The following AP5M1 variants were observed in gnomAD, a reference collection of about 807,000 sequenced individuals.
AP5M1 encodes AP-5 complex subunit mu-1.
AP5M1 carries 44 observed loss-of-function variants against 52.3 expected under a neutral mutation model. The ratio of observed to expected loss-of-function variants is 0.84; its 90% CI spans 0.66 to 1.08. The LOEUF (loss-of-function observed/expected upper bound fraction) is 1.08, where lower values mean the gene tolerates loss of function less well. AP5M1 is among the 50% of genes least tolerant of loss of function. AP5M1 has a pLI of 0.00. For missense variants in AP5M1, 526 were observed against 568.4 expected, an observed-to-expected ratio of 0.93 and a Z score of 0.76; for synonymous variants, 213 against 199.0, an observed-to-expected ratio of 1.07 and a Z score of -0.59.
At chr14:57,275,949 C>T (rs1773839064) in intron 2 of AP5M1, among the ~76,000 whole-genome samples, 1 of 152,010 alleles carries the variant, frequency 6.6e-6, no homozygotes, top group Non-Finnish European at 1.5e-5. Context: ...CCTGCAGTTA[C>T]GTATACTTTT....
rs1422985594 is a variant in AP5M1 at position 57,296,571 on chromosome 14, G to A, written c.*7687G>A. On this transcript the variant is annotated 3_prime_UTR_variant, in exon 8 of 8. Coordinates refer to ENST00000261558, the MANE Select transcript of AP5M1 (RefSeq NM_018229.4). ...GCTAAGGCAATAATCAGTAGAAGTGGTTAGTAATATTTGTAGCTTGTTAAC... is the reference window on the plus strand; with the variant it reads ...GCTAAGGCAATAATCAGTAGAAGTGATTAGTAATATTTGTAGCTTGTTAAC... 12 of 152,076 alleles carry A rather than the reference G, an allele frequency of 7.9e-5. No individual in the cohort carries two copies. The highest frequency in any genetic ancestry group is 1.5e-5 in the Non-Finnish European group (1 of 67,974). 9.4% of individuals were successfully genotyped at this position (152,076 alleles called of 1,614,324 possible).
rs1199954651 is a variant in AP5M1, at chr14:57,291,903, C to A, written c.*3019C>A. On this transcript the variant is annotated 3_prime_UTR_variant, in exon 8 of 8. Coordinates refer to ENST00000261558, the MANE Select transcript of AP5M1 (RefSeq NM_018229.4). ...AGGCCTTCTGTAGGGACTGCTGCCA[C>A]AACAGAGTGGTTGTTCCTAAGACAA... is the stretch of plus-strand genomic sequence containing the variant. 3 of 151,716 alleles carry A rather than the reference C, an allele frequency of 2.0e-5. No homozygotes were observed. Among genetic ancestry groups the A allele is most frequent in the African/African-American group, 4.8e-5 (2 of 41,356 alleles). 9.4% of individuals were successfully genotyped at this position (151,716 alleles called of 1,614,324 possible).
rs1555332720 is a variant in AP5M1, at chr14:57,293,247, A to G, written c.*4363A>G. 6.6e-6 allele frequency: 1 copy of G among 151,752 alleles called. No individual in the cohort carries two copies. The highest frequency in any genetic ancestry group is 1.5e-5 in the Non-Finnish European group (1 of 67,802). The allele number at this position is 151,752 out of a possible 1,614,324, so 9.4% of individuals were successfully genotyped here. On this transcript the variant is annotated 3_prime_UTR_variant, in exon 8 of 8. Coordinates refer to ENST00000261558, the MANE Select transcript of AP5M1 (RefSeq NM_018229.4). Reference sequence around the variant, plus strand: ...TATATTTTAAGACCTTTAAAAAAAAAGTATAGTGATTTGTTACAAAATATG... The same window carrying G: ...TATATTTTAAGACCTTTAAAAAAAAGGTATAGTGATTTGTTACAAAATATG...
chr14:57,272,333 G>A (rs1490451231), intron 1 of AP5M1, among the ~76,000 whole-genome samples: 1 of 152,100 alleles, frequency 6.6e-6, no homozygotes, highest in Non-Finnish European at 1.5e-5. Context: ...TCAATAAGTG[G>A]CCAATATTTA....
At chr14:57,273,570 A>T (rs1485641113) in intron 1 of AP5M1, 6 of 531,042 alleles carry the variant, frequency 1.1e-5, no homozygotes, top group Non-Finnish European at 1.7e-5. Flanking sequence ...CAAAGAAAAG[A>T]TAAATTAGTA....
chr14:57,284,331 A>C (rs973738362), intron 6 of AP5M1, among the ~76,000 whole-genome samples: 3 of 152,216 alleles, frequency 2.0e-5, no homozygotes, highest in Non-Finnish European at 4.4e-5. Flanking sequence ...ATTTAGATTA[A>C]GATTATAGAG....
intron 1 of AP5M1, among the ~76,000 whole-genome samples, chr14:57,270,564 T>A (rs1330347021): frequency 6.6e-6 from 1 of 152,222 alleles, no homozygotes; most frequent in Non-Finnish European, 1.5e-5. Flanking sequence ...GAGTTTACCA[T>A]TTCCCCCCAG....
At chr14:57,281,702 C>T (rs1328257390) in intron 3 of AP5M1, among the ~76,000 whole-genome samples, 1 of 152,198 alleles carries the variant, frequency 6.6e-6, no homozygotes, top group Non-Finnish European at 1.5e-5. Flanking sequence ...TCATTGATGA[C>T]CAACCAAGTA....
At position 57,269,425 on chromosome 14, in the gene AP5M1, A is replaced by G. The variant is rs1297346111; in HGVS notation, c.74+37A>G. On this transcript the variant is annotated intron_variant, in intron 1 of 7. Coordinates refer to ENST00000261558, the MANE Select transcript of AP5M1 (RefSeq NM_018229.4). The stretch of plus-strand genomic sequence containing the variant: ...TCTGAATCCTCAGGGATGATGGATC[A>G]GAAGATCGATGAAGTAGCATAGTTT... The G allele has an allele frequency of 1.9e-6, 3 of 1,604,840 alleles. No homozygotes were observed. In the East Asian group the frequency reaches 6.7e-5, roughly 36 times the overall value.
intron 4 of AP5M1, 83 bp from the exon 5 acceptor site, chr14:57,282,850 AG>A: frequency 1.2e-6 from 1 of 817,170 alleles, no homozygotes; most frequent in Non-Finnish European, 2.0e-6. Flanking sequence ...CCTTGTATTA[AG>A]TAACAGTGGC....
intron 4 of AP5M1, 89 bp downstream of exon 4, chr14:57,282,317 AT>A (rs1032569451): frequency 3.9e-6 from 4 of 1,032,718 alleles, no homozygotes; most frequent in African/African-American, 3.3e-5. Context: ...CTTTTACCTT[AT>A]TTTTAAGGTC....
intron 1 of AP5M1, among the ~76,000 whole-genome samples, chr14:57,270,163 A>G (rs558696469): frequency 6.0e-4 from 91 of 152,336 alleles, no homozygotes; most frequent in African/African-American, 2.1e-3. Flanking sequence ...ATCAGTTTAC[A>G]GTTCCTAATT....
chr14:57,291,354 T>A lies in AP5M1; in HGVS notation c.*2470T>A, dbSNP rs1885429797. ...CTGATGTCTATCACATAGGTAATTA[T>A]TCTTCAATAAACTCGAAAGGTTAAA... On this transcript the variant is annotated 3_prime_UTR_variant, in exon 8 of 8. Transcript: ENST00000261558. 6.6e-6 allele frequency: 1 copy of A among 151,810 alleles called. No homozygotes were observed. Among genetic ancestry groups the A allele is most frequent in the South Asian group, 2.1e-4 (1 of 4,832 alleles). 9.4% of individuals were successfully genotyped at this position (151,810 alleles called of 1,614,324 possible).
chr14:57,269,018 C>G lies in AP5M1; in HGVS notation c.-297C>G. On this transcript the variant is annotated 5_prime_UTR_variant, in exon 1 of 8. Coordinates refer to ENST00000261558, the MANE Select transcript of AP5M1 (RefSeq NM_018229.4). ...AGGAACTTTGATCCTTGCGGGCCACCATTCCGGAAGTAGAATTTAGAGGAA... is the reference window on the plus strand; with the variant it reads ...AGGAACTTTGATCCTTGCGGGCCACGATTCCGGAAGTAGAATTTAGAGGAA... 1 of 552,054 alleles carries G rather than the reference C, an allele frequency of 1.8e-6. No individual in the cohort carries two copies. The highest frequency in any genetic ancestry group is 3.2e-6 in the Non-Finnish European group (1 of 316,814). The allele number at this position is 552,054 out of a possible 1,614,324, so 34.2% of individuals were successfully genotyped here.
At chr14:57,284,249 A>G (rs1885253722) in intron 6 of AP5M1, among the ~76,000 whole-genome samples, 1 of 152,248 alleles carries the variant, frequency 6.6e-6, no homozygotes, top group African/African-American at 2.4e-5. Context: ...TTAAAAGAGT[A>G]AAGAAGAATA....
intron 6 of AP5M1, 93 bp downstream of exon 6, chr14:57,283,323 GT>G: frequency 1.3e-6 from 1 of 770,856 alleles, no homozygotes; most frequent in Non-Finnish European, 2.1e-6. Context: ...TCCACCAATT[GT>G]TTTAGAATTC....
intron 6 of AP5M1, among the ~76,000 whole-genome samples, chr14:57,284,163 C>G (rs1885251035): frequency 6.6e-6 from 1 of 152,092 alleles, no homozygotes; most frequent in Admixed American, 6.6e-5. Context: ...AAGTTTAAGC[C>G]AAACTCTGAG....
chr14:57,278,129 A>G (rs188009470), intron 2 of AP5M1, among the ~76,000 whole-genome samples: 19 of 152,294 alleles, frequency 1.2e-4, no homozygotes, highest in African/African-American at 4.3e-4. Flanking sequence ...TACCTACACA[A>G]ATACAAGTAA....
Position 57,289,034 on chromosome 14 carries a change from G to A in AP5M1, c.*150G>A, listed in dbSNP as rs181828267. The A allele has an allele frequency of 4.0e-4, 191 of 476,580 alleles. 1 individual carries two copies. The highest frequency in any genetic ancestry group is 3.5e-3 in the African/African-American group (172 of 48,560). 29.5% of individuals were successfully genotyped at this position (476,580 alleles called of 1,614,324 possible). On this transcript the variant is annotated 3_prime_UTR_variant, in exon 8 of 8. Coordinates refer to ENST00000261558, the MANE Select transcript of AP5M1 (RefSeq NM_018229.4). ...TAGTCTTATGTGGTGTTTGTAGTCT[G>A]ATAGAGCTTGAAAGGACATTTTAAA...
Sources: allele counts gnomAD v4.1 joint callset (sites outside exome capture counted in the v4.1 genomes callset), GRCh38; gene constraint gnomAD v4.1.1; transcripts MANE v1.5; gene names NCBI Gene and HGNC (gene_info 2026-07-23, HGNC 2026-07-21).